KHDRBS2: variants seen among roughly 807,000 people sequenced by gnomAD.
KHDRBS2 encodes the protein KH domain-containing, RNA-binding, signal transduction-associated protein 2.
Under a neutral mutation model 44.3 loss-of-function variants are expected in KHDRBS2, and 26 were observed. The ratio of observed to expected loss-of-function variants is 0.59; its 90% confidence interval spans 0.43 to 0.81. The LOEUF (loss-of-function observed/expected upper bound fraction) is 0.81, where lower values mean the gene tolerates loss of function less well. Ranked by LOEUF, KHDRBS2 falls within the 40% of genes least tolerant of loss-of-function variation. The probability of loss-of-function intolerance (pLI) is 0.00; values close to 1 mark genes in which losing one functional copy is unlikely to be tolerated. For synonymous variants in KHDRBS2, 194 were observed against 151.1 expected, an observed-to-expected ratio of 1.28 and a Z score of -2.08; for missense variants, 476 against 433.1, an observed-to-expected ratio of 1.10 and a Z score of -0.88.
intron 7 of KHDRBS2, among the ~76,000 whole-genome samples, chr6:61,711,044 A>G (rs1163442744): frequency 1.3e-5 from 2 of 151,032 alleles, no homozygotes; most frequent in East Asian, 3.9e-4. Flanking sequence ...TCAAAGCCTG[A>G]GCAATACCTT....
chr6:62,255,585 C>T (rs1337351904), intron 1 of KHDRBS2, among the ~76,000 whole-genome samples: 3 of 144,694 alleles, frequency 2.1e-5, no homozygotes, highest in Admixed American at 1.4e-4. Flanking sequence ...CTGTATTTAC[C>T]CTCATTCCTC....
At chr6:62,176,413 G>T (rs1245932480) in intron 2 of KHDRBS2, among the ~76,000 whole-genome samples, 2 of 151,090 alleles carry the variant, frequency 1.3e-5, no homozygotes, top group Non-Finnish European at 3.0e-5. Context: ...GAAGACAATT[G>T]GTAAACCAGA....
chr6:62,101,946 C>G (rs901789564), intron 2 of KHDRBS2, among the ~76,000 whole-genome samples: 5 of 152,164 alleles, frequency 3.3e-5, no homozygotes, highest in African/African-American at 9.7e-5. Context: ...ACAAGTATTA[C>G]AACTCTACCA....
intron 6 of KHDRBS2, among the ~76,000 whole-genome samples, chr6:61,842,801 A>G (rs957914974): frequency 6.6e-6 from 1 of 152,202 alleles, no homozygotes; most frequent in Non-Finnish European, 1.5e-5. Context: ...ATAGCAGCCA[A>G]AAAGTGAAAA....
At chr6:61,597,183 G>T in the KHDRBS2 span, among the ~76,000 whole-genome samples, 1 of 152,122 alleles carries the variant, frequency 6.6e-6, no homozygotes. Context: ...TGGTGGTTTA[G>T]GTACAGAGGA....
chr6:62,103,665 C>T (rs1584718574), intron 2 of KHDRBS2, among the ~76,000 whole-genome samples: 2 of 151,776 alleles, frequency 1.3e-5, no homozygotes, highest in African/African-American at 2.4e-5. Context: ...TCTGGAATCA[C>T]CTGTTCCTGG....
chr6:62,074,467 T>A (rs1795931171), intron 2 of KHDRBS2, among the ~76,000 whole-genome samples: 2 of 151,892 alleles, frequency 1.3e-5, no homozygotes, highest in Non-Finnish European at 2.9e-5. Flanking sequence ...ATAATTTTTC[T>A]CCCGCCAACC....
chr6:61,848,469 T>TTATATATA (rs796641130), intron 6 of KHDRBS2, among the ~76,000 whole-genome samples: 8 of 73,676 alleles, frequency 1.1e-4, no homozygotes, highest in African/African-American at 4.7e-4. Flanking sequence ...AATGGAGGTT[T>TTATATATA]TATATATATA....
chr6:61,980,345 G>T (rs1241525818), intron 3 of KHDRBS2, among the ~76,000 whole-genome samples: 1 of 152,070 alleles, frequency 6.6e-6, no homozygotes, highest in Non-Finnish European at 1.5e-5. Context: ...TACTCCAGGT[G>T]CTGGTATTTT....
intron 3 of KHDRBS2, among the ~76,000 whole-genome samples, chr6:61,990,706 CT>C (rs71770267): frequency 0.24 from 35,349 of 145,458 alleles, 4,307 homozygotes; most frequent in African/African-American, 0.31. Flanking sequence ...ATTGGATAAC[CT>C]TTTTTTTTTT....
the KHDRBS2 span, among the ~76,000 whole-genome samples, chr6:61,563,010 G>C: frequency 1.3e-5 from 2 of 152,060 alleles, no homozygotes; most frequent in Non-Finnish European, 2.9e-5. Flanking sequence ...CTGGCTTAAT[G>C]CTTATTCAAT....
intron 8 of KHDRBS2, 71 bp from the exon 9 acceptor site, chr6:61,681,131 AT>A: frequency 1.9e-6 from 2 of 1,027,900 alleles, no homozygotes; most frequent in South Asian, 2.7e-5. Flanking sequence ...TTAAGACACA[AT>A]AGTTGACCGA....
At chr6:62,274,525 T>C (rs1840603122) in intron 1 of KHDRBS2, among the ~76,000 whole-genome samples, 1 of 152,208 alleles carries the variant, frequency 6.6e-6, no homozygotes, top group African/African-American at 2.4e-5. Flanking sequence ...CCAATGATGC[T>C]TAACTTCTAC....
chr6:61,555,621 T>C, the KHDRBS2 span, among the ~76,000 whole-genome samples: 1 of 152,250 alleles, frequency 6.6e-6, no homozygotes, highest in Non-Finnish European at 1.5e-5. Flanking sequence ...ACTGATTCTT[T>C]TACATCTGTA....
chr6:61,969,873 GGT>G (rs972040203), intron 4 of KHDRBS2, among the ~76,000 whole-genome samples: 4 of 151,458 alleles, frequency 2.6e-5, no homozygotes, highest in Non-Finnish European at 4.4e-5. Flanking sequence ...CTAAATGAGA[GGT>G]GTGTTTCAAA....
At chr6:61,714,814 C>T (rs1194799279) in intron 7 of KHDRBS2, among the ~76,000 whole-genome samples, 1 of 151,834 alleles carries the variant, frequency 6.6e-6, no homozygotes. Flanking sequence ...ACAAATACTG[C>T]ATTTCTCCCT....
At chr6:61,644,065 C>T in the KHDRBS2 span, among the ~76,000 whole-genome samples, 1 of 152,056 alleles carries the variant, frequency 6.6e-6, no homozygotes, top group South Asian at 2.1e-4. Context: ...TACTATAGGG[C>T]TATAGTAACC....
At chr6:61,995,899 G>T (rs79778451) in intron 3 of KHDRBS2, among the ~76,000 whole-genome samples, 4,802 of 152,168 alleles carry the variant, frequency 0.032, 114 homozygotes, top group Non-Finnish European at 0.051. Flanking sequence ...ATCTTACAAG[G>T]ATCTTTATCA....
At chr6:61,640,310 A>G in the KHDRBS2 span, among the ~76,000 whole-genome samples, 1 of 151,776 alleles carries the variant, frequency 6.6e-6, no homozygotes, top group East Asian at 1.9e-4. Flanking sequence ...TTTCCATAAA[A>G]AGTTTAAATA....
Sources: allele counts gnomAD v4.1 joint callset (sites outside exome capture counted in the v4.1 genomes callset), GRCh38; gene constraint gnomAD v4.1.1; transcripts MANE v1.5; gene names NCBI Gene and HGNC (gene_info 2026-07-23, HGNC 2026-07-21).